TFB1M: variants seen among roughly 807,000 people sequenced by gnomAD.
TFB1M encodes the protein dimethyladenosine transferase 1, mitochondrial.
Under a neutral mutation model 31.1 loss-of-function variants are expected in TFB1M, and 27 were observed. The ratio of observed to expected loss-of-function variants is 0.87; its 90% CI spans 0.64 to 1.20. The LOEUF is 1.20. Ranked by LOEUF, TFB1M falls within the 50% of genes most tolerant of loss-of-function variation. The probability of loss-of-function intolerance (pLI) is 0.00; values close to 1 mark genes in which losing one functional copy is unlikely to be tolerated. For synonymous variants in TFB1M, 166 were observed against 151.8 expected, an observed-to-expected ratio of 1.09 and a Z score of -0.69; for missense variants, 394 against 418.7, an observed-to-expected ratio of 0.94 and a Z score of 0.51.
intron 5 of TFB1M, among the ~76,000 whole-genome samples, chr6:155,272,131 C>G (rs966277593): frequency 6.6e-6 from 1 of 152,122 alleles, no homozygotes; most frequent in African/African-American, 2.4e-5. Flanking sequence ...TTCACCATAA[C>G]TAACTGAGGT....
At chr6:155,235,399 C>G in the TFB1M span, among the ~76,000 whole-genome samples, 2 of 152,192 alleles carry the variant, frequency 1.3e-5, no homozygotes, top group Non-Finnish European at 2.9e-5. Context: ...GGCCTTCTGA[C>G]TCTCATCTGT....
rs747891843 is a variant in TFB1M, at chr6:155,311,318, C to T, written c.155G>A (p.Gly52Asp). 1.9e-6 allele frequency: 3 copies of T among 1,613,846 alleles called. No homozygotes were observed. Among genetic ancestry groups the T allele is most frequent in the Non-Finnish European group, 2.5e-6 (3 of 1,179,814 alleles). Residue 52 changes from glycine (G) to aspartate (D), a missense_variant, in exon 2 of 7, where the codon GGC becomes GAC. This residue lies in a region of TFB1M where 273 missense variants were observed against 256.4 expected (regional missense o/e 1.06). Transcript: ENST00000367166. ...RLTDKIVRKA[G>D]NLTNAYVYEV... The stretch of plus-strand genomic sequence containing the variant: ...GTAAACATAAGCATTTGTCAGATTG[C>T]CAGCTTTCCTTACAATCTTATCTAG...
At chr6:155,299,950 C>T (rs1777351908) in intron 2 of TFB1M, among the ~76,000 whole-genome samples, 1 of 152,204 alleles carries the variant, frequency 6.6e-6, no homozygotes, top group Non-Finnish European at 1.5e-5. Flanking sequence ...ACATATGCTC[C>T]TTAAGGGCAG....
rs929352821 is a variant in TFB1M at position 155,257,458 on chromosome 6, A to AT, written c.*377dup. ...CGTGATTAATAGTTTTCAAAGGGCC[A>AT]TTTTTTAAAATCCTCTGGGCATTTT... On this transcript the variant is annotated 3_prime_UTR_variant, in exon 7 of 7. Transcript: ENST00000367166. The AT allele has an allele frequency of 6.0e-6, 2 of 332,770 alleles. No homozygotes were observed. Among genetic ancestry groups the AT allele is most frequent in the African/African-American group, 2.2e-5 (1 of 45,532 alleles). 20.6% of individuals were successfully genotyped at this position (332,770 alleles called of 1,614,324 possible).
intron 1 of TFB1M, among the ~76,000 whole-genome samples, chr6:155,312,346 T>C (rs759996686): frequency 2.0e-5 from 3 of 152,214 alleles, no homozygotes; most frequent in Non-Finnish European, 2.9e-5. Context: ...CATTCTCACC[T>C]AATCCTTACA....
intron 1 of TFB1M, chr6:155,314,080 C>T (rs187419422): frequency 5.1e-4 from 740 of 1,439,220 alleles, no homozygotes; most frequent in Non-Finnish European, 6.3e-4. Flanking sequence ...CAGGCTACAC[C>T]CCCCCGAACG....
At chr6:155,236,741 G>T in the TFB1M span, among the ~76,000 whole-genome samples, 65 of 152,184 alleles carry the variant, frequency 4.3e-4, no homozygotes, top group Non-Finnish European at 8.7e-4. Context: ...AGAAACTCCT[G>T]TTTTTAAAAT....
At chr6:155,260,146 C>G (rs376256567) in intron 6 of TFB1M, 127 bp downstream of exon 6, 1 of 1,103,148 alleles carries the variant, frequency 9.1e-7, no homozygotes, top group Non-Finnish European at 1.4e-6. Flanking sequence ...AAGTCTTGTC[C>G]GTCACAGGCC....
intron 2 of TFB1M, among the ~76,000 whole-genome samples, chr6:155,303,003 G>A (rs1044247776): frequency 3.9e-5 from 6 of 152,168 alleles, no homozygotes; most frequent in African/African-American, 1.4e-4. Flanking sequence ...GCTCACTGAT[G>A]AGATTTGAGT....
At chr6:155,273,034 G>A (rs2114704832) in intron 5 of TFB1M, among the ~76,000 whole-genome samples, 1 of 152,332 alleles carries the variant, frequency 6.6e-6, no homozygotes. Context: ...AAATGTTCCA[G>A]CAACCCCACA....
chr6:155,314,116 C>A, intron 1 of TFB1M, 180 bp downstream of exon 1: 1 of 1,490,962 alleles, frequency 6.7e-7, no homozygotes, highest in East Asian at 2.5e-5. Flanking sequence ...AATCAACGCA[C>A]TTCACGTGTC....
the TFB1M span, among the ~76,000 whole-genome samples, chr6:155,247,547 C>G: frequency 6.6e-6 from 1 of 152,140 alleles, no homozygotes. Context: ...AGGCTGGTCT[C>G]GAACTCGTGA....
intron 6 of TFB1M, among the ~76,000 whole-genome samples, chr6:155,258,539 A>C (rs990916046): frequency 2.4e-5 from 2 of 83,736 alleles, no homozygotes; most frequent in African/African-American, 1.0e-4. Context: ...TTTTGCTAAA[A>C]GTTTGAAAAT....
At chr6:155,275,773 C>A (rs746339039) in intron 5 of TFB1M, 1 of 1,614,130 alleles carries the variant, frequency 6.2e-7, no homozygotes, top group Non-Finnish European at 8.5e-7. Flanking sequence ...TATCTGGGGT[C>A]TCTGGAGTGC....
the TFB1M span, among the ~76,000 whole-genome samples, chr6:155,235,773 T>C: frequency 0.034 from 5,212 of 152,296 alleles, 283 homozygotes; most frequent in African/African-American, 0.12. Context: ...TCAGCTAACA[T>C]TCACTTTTTG....
chr6:155,244,915 C>G, the TFB1M span: 11 of 1,154,844 alleles, frequency 9.5e-6, no homozygotes, highest in South Asian at 2.3e-4. Context: ...GTGACTATTT[C>G]CTTGCACCGT....
chr6:155,283,354 T>C (rs1776474808), intron 5 of TFB1M, among the ~76,000 whole-genome samples: 1 of 152,206 alleles, frequency 6.6e-6, no homozygotes, highest in Non-Finnish European at 1.5e-5. Flanking sequence ...AAATCCCCTG[T>C]ATGTAATAGT....
chr6:155,296,426 A>ATTTTTTTTTTTTTT (rs71023639), intron 4 of TFB1M, among the ~76,000 whole-genome samples: 26 of 103,450 alleles, frequency 2.5e-4, no homozygotes, highest in South Asian at 3.5e-4. Context: ...CACCCAGCTA[A>ATTTTTTTTTTTTTT]TTTTTTTTTT....
rs551279227 is a variant in TFB1M at position 155,288,552 on chromosome 6, C to T, written c.547-3275G>A. 1.1e-4 allele frequency among the ~76,000 whole-genome samples: 17 copies of T among 152,214 alleles called. No homozygotes were observed. The East Asian group carries it at 2.9e-3, about 26-fold the overall frequency. The stretch of plus-strand genomic sequence containing the variant: ...ATTGCAAATTTTAATATCCAACTGG[C>T]ACAATTCAAAAAAGATCTTATTTAA... On this transcript the variant is annotated intron_variant, in intron 4 of 6. Coordinates refer to ENST00000367166, the MANE Select transcript of TFB1M (RefSeq NM_016020.4).
Sources: allele counts gnomAD v4.1 joint callset (sites outside exome capture counted in the v4.1 genomes callset), GRCh38; gene constraint gnomAD v4.1.1; regional missense constraint gnomAD v4.1.1; transcripts MANE v1.5; gene names NCBI Gene and HGNC (gene_info 2026-07-23, HGNC 2026-07-21).